Variants in COL5A1 observed in about 807,000 individuals in gnomAD.
COL5A1 encodes collagen type V alpha 1 chain, also known as collagen alpha-1(V) chain.
Under a neutral mutation model 263.7 loss-of-function variants are expected in COL5A1, and 16 were observed. The observed-to-expected ratio is 0.06, with a 90% confidence interval of 0.04 to 0.09. The LOEUF (loss-of-function observed/expected upper bound fraction) is 0.09, where lower values mean the gene tolerates loss of function less well. COL5A1 is among the 10% of genes least tolerant of loss of function. The pLI, the probability that COL5A1 is intolerant of heterozygous loss-of-function variation, is 1.00. For synonymous variants in COL5A1, 1,012 were observed against 1,004.5 expected, an observed-to-expected ratio of 1.01 and a Z score of -0.14; for missense variants, 2,036 against 2,540.5, an observed-to-expected ratio of 0.80 and a Z score of 4.27.
chr9:134,759,220 ACACC>A (rs1836113617), intron 18 of COL5A1, among the ~76,000 whole-genome samples: 1 of 145,354 alleles, frequency 6.9e-6, no homozygotes, highest in Admixed American at 6.8e-5. Context: ...ATGCACACAC[ACACC>A]CACACATACA....
Position 134,821,174 on chromosome 9 carries a change from G to A in COL5A1, c.4555-923G>A, listed in dbSNP as rs540486208. Among the ~76,000 whole-genome samples, 416 of 152,202 alleles carry A rather than the reference G, an allele frequency of 2.7e-3. 1 individual carries two copies. Among genetic ancestry groups the A allele is most frequent in the South Asian group, 0.011 (55 of 4,802 alleles). ...AGTGCCGCCCAGGGTGTGGTGGCCCGGCAACCACGAGAATTAGAGAGGCAT... is the reference window on the plus strand; with the variant it reads ...AGTGCCGCCCAGGGTGTGGTGGCCCAGCAACCACGAGAATTAGAGAGGCAT... On this transcript the variant is annotated intron_variant, in intron 58 of 65. Transcript: ENST00000371817. The surrounding 1 kb of genome is among the most constrained non-coding windows in gnomAD (Gnocchi z 4.2).
Position 134,782,707 on chromosome 9 carries a change from T to A in COL5A1, c.2471T>A (p.Ile824Asn). 6.2e-7 allele frequency: 1 copy of A among 1,613,654 alleles called. No homozygotes were observed. The highest frequency in any genetic ancestry group is 8.5e-7 in the Non-Finnish European group (1 of 1,179,926). Residue 824 changes from isoleucine to asparagine, a missense_variant, in exon 29 of 66, where the codon ATC becomes AAC. Around this residue, in one of 3 missense-constraint regions of COL5A1, gnomAD observed 1,078 missense variants for 1,521.4 expected, o/e 0.71. Transcript: ENST00000371817. The stretch of plus-strand genomic sequence containing the variant: ...CCTGGGTTTAAAGGAGACATGGGCA[T>A]CAAGGGTGATCGGGTGAGCATCTCA... ...GFPGFKGDMG[I>N]KGDRGEIGPP...
chr9:134,707,946 G>T lies in COL5A1; in HGVS notation c.654+6613G>T, dbSNP rs189493868. ...TGTGTGCGGCTGGCGGCTCCGGGAC[G>T]TGAGGGGATTCTGCTGAGGACCTTT... On this transcript the variant is annotated intron_variant, in intron 4 of 65. Transcript: ENST00000371817. 3.0e-3 allele frequency among the ~76,000 whole-genome samples: 450 copies of T among 152,336 alleles called. 3 individuals carry two copies. Among genetic ancestry groups the T allele is most frequent in the African/African-American group, 9.6e-3 (398 of 41,576 alleles).
chr9:134,705,201 A>G (rs1426076271), intron 4 of COL5A1, among the ~76,000 whole-genome samples: 2 of 152,232 alleles, frequency 1.3e-5, no homozygotes, highest in South Asian at 2.1e-4. Context: ...CCTTTGTCCA[A>G]AGTGATGCGC....
intron 4 of COL5A1, among the ~76,000 whole-genome samples, chr9:134,705,513 C>T (rs969792573): frequency 3.9e-5 from 6 of 152,230 alleles, no homozygotes; most frequent in East Asian, 1.9e-4. Context: ...GGCATTCTGC[C>T]GGCAGGTCCC....
intron 2 of COL5A1, among the ~76,000 whole-genome samples, chr9:134,691,301 T>C (rs1038769169): frequency 2.6e-5 from 4 of 151,902 alleles, no homozygotes; most frequent in African/African-American, 4.8e-5. Flanking sequence ...CCTTCTCTGC[T>C]GGATGTGGGT....
At chr9:134,705,624 A>G (rs1191863705) in intron 4 of COL5A1, among the ~76,000 whole-genome samples, 2 of 152,180 alleles carry the variant, frequency 1.3e-5, no homozygotes, top group Admixed American at 1.3e-4. Flanking sequence ...TGGGTTGGTG[A>G]GATCAAATCT....
intron 19 of COL5A1, 99 bp from the exon 20 acceptor site, chr9:134,763,594 G>A (rs2132721427): frequency 8.1e-7 from 1 of 1,239,446 alleles, no homozygotes; most frequent in South Asian, 1.2e-5. Flanking sequence ...CGTATGTGAA[G>A]CAGCCCCAAG....
chr9:134,657,612 A>C (rs1588411441), intron 1 of COL5A1, among the ~76,000 whole-genome samples: 1 of 83,286 alleles, frequency 1.2e-5, no homozygotes, highest in East Asian at 4.0e-4. Flanking sequence ...TTGGGGGTGT[A>C]GTTTATAGAT....
chr9:134,722,896 C>T (rs568297251), intron 4 of COL5A1, among the ~76,000 whole-genome samples: 45 of 152,154 alleles, frequency 3.0e-4, no homozygotes, highest in African/African-American at 1.0e-3. Context: ...TGGGGCATCC[C>T]GTTTGAGGGT....
Position 134,818,908 on chromosome 9 carries a change from C to T in COL5A1, c.4392+7C>T, listed in dbSNP as rs1431993185. ...CGGTCCCCCCGGCCCCATGGTGAGT[C>T]ACATTCCTCATGGTGAGCATAGCGG... On this transcript the variant is annotated splice_region_variant and intron_variant, in intron 56 of 65. Transcript: ENST00000371817. This position sits in a 1 kb window ranked among gnomAD's most constrained non-coding sequence, Gnocchi z 6.0. 6.2e-7 allele frequency: 1 copy of T among 1,612,966 alleles called. No homozygotes were observed. Among genetic ancestry groups the T allele is most frequent in the Non-Finnish European group, 8.5e-7 (1 of 1,179,690 alleles).
chr9:134,837,025 C>T (rs1462498739), intron 65 of COL5A1, among the ~76,000 whole-genome samples: 1 of 152,234 alleles, frequency 6.6e-6, no homozygotes, highest in Non-Finnish European at 1.5e-5. Flanking sequence ...TAACATAGCA[C>T]CTGCCTCACA....
At chr9:134,772,957 CT>C in intron 26 of COL5A1, 123 bp downstream of exon 26, 1 of 1,047,570 alleles carries the variant, frequency 9.5e-7, no homozygotes, top group East Asian at 2.4e-5. Context: ...ACACTCAGCC[CT>C]TCCTCAGGTG....
intron 60 of COL5A1, 24 bp from the exon 61 acceptor site, chr9:134,823,392 G>T: frequency 6.2e-7 from 1 of 1,614,078 alleles, no homozygotes; most frequent in South Asian, 1.1e-5. Flanking sequence ...GTGACCAAGG[G>T]TTGATTCTTT....
At position 134,834,954 on chromosome 9, in the gene COL5A1, C is replaced by T. The variant is rs1839794375; in HGVS notation, c.5137-17C>T. 1 of 1,590,686 alleles carries T rather than the reference C, an allele frequency of 6.3e-7. No homozygotes were observed. Among genetic ancestry groups the T allele is most frequent in the Non-Finnish European group, 8.6e-7 (1 of 1,161,394 alleles). ...GTGTCCCCACCCTGCTGAGCCCCAA[C>T]ACCCCTGTCCCCCCAGCTCTCCTAT... On this transcript the variant is annotated splice_polypyrimidine_tract_variant and intron_variant, in intron 64 of 65. Transcript: ENST00000371817.
rs531198943 is a variant in COL5A1, at chr9:134,764,326, G to A, written c.2034+589G>A. On this transcript the variant is annotated intron_variant, in intron 20 of 65. Transcript: ENST00000371817. Reference sequence around the variant, plus strand: ...TCTGAGGTCATTATAGGGGGTCAGGGGGCGGCATGGGGGGTTCAAGGGCAT... The same window carrying A: ...TCTGAGGTCATTATAGGGGGTCAGGAGGCGGCATGGGGGGTTCAAGGGCAT... Among the ~76,000 whole-genome samples the A allele has an allele frequency of 4.3e-5, 6 of 138,268 alleles. No individual in the cohort carries two copies. The South Asian group carries it at 1.3e-3, about 29-fold the overall frequency. The allele number at this position is 138,268 out of a possible 152,430, so 90.7% of individuals were successfully genotyped here. A position where few individuals can be genotyped will look rare whatever the true frequency, so the allele number is the denominator to read the frequency against.
rs1834258678 is a variant in COL5A1, at chr9:134,716,308, A to C, written c.655-10958A>C. On this transcript the variant is annotated intron_variant, in intron 4 of 65. Coordinates refer to ENST00000371817, the MANE Select transcript of COL5A1 (RefSeq NM_000093.5). This position sits in a 1 kb window ranked among gnomAD's most constrained non-coding sequence, Gnocchi z 4.5. Reference sequence around the variant, plus strand: ...CCCGGTGCCCAGGCCTCCTGTGGTCAGTGCCTTCCCTGTGCCATTCTTCTC... The same window carrying C: ...CCCGGTGCCCAGGCCTCCTGTGGTCCGTGCCTTCCCTGTGCCATTCTTCTC... 6.6e-6 allele frequency among the ~76,000 whole-genome samples: 1 copy of C among 152,206 alleles called. No individual in the cohort carries two copies. Among genetic ancestry groups the C allele is most frequent in the Non-Finnish European group, 1.5e-5 (1 of 68,034 alleles).
intron 1 of COL5A1, among the ~76,000 whole-genome samples, chr9:134,687,822 C>T (rs948909660): frequency 6.6e-6 from 1 of 152,132 alleles, no homozygotes. Flanking sequence ...TTTGTTGAGC[C>T]GGGAAGTGCA....
At chr9:134,778,137 C>G (rs780083066) in intron 27 of COL5A1, among the ~76,000 whole-genome samples, 5 of 152,244 alleles carry the variant, frequency 3.3e-5, no homozygotes, top group Admixed American at 6.5e-5. Flanking sequence ...TCTGGGGCCC[C>G]CAGCTCTGTG....
Sources: allele counts gnomAD v4.1 joint callset (sites outside exome capture counted in the v4.1 genomes callset), GRCh38; gene constraint gnomAD v4.1.1; regional missense constraint gnomAD v4.1.1; non-coding constraint Gnocchi (gnomAD v3.1); transcripts MANE v1.5; gene names NCBI Gene and HGNC (gene_info 2026-07-23, HGNC 2026-07-21).